The following PAOX variants were observed in gnomAD, a reference collection of about 807,000 sequenced individuals.
PAOX encodes the protein peroxisomal N(1)-acetyl-spermine/spermidine oxidase.
Under a neutral mutation model 39.0 loss-of-function variants are expected in PAOX, and 38 were observed. That is an observed-to-expected ratio of 0.97 (90% CI 0.75 to 1.28). PAOX has a LOEUF of 1.28. PAOX is among the 50% of genes most tolerant of loss of function. PAOX has a pLI of 0.00. For synonymous variants in PAOX, 311 were observed against 314.4 expected, an observed-to-expected ratio of 0.99 and a Z score of 0.11; for missense variants, 667 against 685.7, an observed-to-expected ratio of 0.97 and a Z score of 0.30.
chr10:133,381,423 C>T (rs1302377840), intron 2 of PAOX, 37 bp from the exon 3 acceptor site: 2 of 1,597,132 alleles, frequency 1.3e-6, no homozygotes, highest in South Asian at 1.1e-5. Flanking sequence ...CTTCCAGGGA[C>T]TGGGCCTCTA....
Position 133,380,370 on chromosome 10 carries a change from A to C in PAOX, c.553A>C (p.Asn185His). 8 of 1,612,908 alleles carry C rather than the reference A, an allele frequency of 5.0e-6. No homozygotes were observed. Among genetic ancestry groups the C allele is most frequent in the Non-Finnish European group, 6.8e-6 (8 of 1,180,026 alleles). ...ETRKLKLAVL[N>H]SFFNLECCVS... ...CAGGAAGCTGAAGCTGGCCGTCCTGAACTCCTTCTTCAACCTGGAATGCTG... is the reference window on the plus strand; with the variant it reads ...CAGGAAGCTGAAGCTGGCCGTCCTGCACTCCTTCTTCAACCTGGAATGCTG... The change falls in exon 2 of 7, where the codon AAC becomes CAC. Residue 185 changes from asparagine to histidine, a missense_variant. Transcript: ENST00000278060.
intron 6 of PAOX, among the ~76,000 whole-genome samples, chr10:133,390,114 A>G (rs1297445450): frequency 2.0e-5 from 3 of 152,138 alleles, no homozygotes; most frequent in African/African-American, 4.8e-5. Context: ...CAAAATGTCA[A>G]ACATACTAAA....
chr10:133,389,847 GA>G, intron 6 of PAOX, 100 bp downstream of exon 6: 1 of 1,272,192 alleles, frequency 7.9e-7, no homozygotes, highest in Non-Finnish European at 1.0e-6. Context: ...GGTGGGCTGG[GA>G]TCCCAGACTC....
intron 5 of PAOX, 68 bp downstream of exon 5, chr10:133,389,136 AG>A: frequency 7.6e-7 from 1 of 1,308,048 alleles, no homozygotes; most frequent in Admixed American, 1.7e-5. Flanking sequence ...AACAGAAACT[AG>A]ACTTTGCAGA....
rs112030843 is a variant in PAOX at position 133,389,592 on chromosome 10, A to G, written c.1237A>G (p.Asn413Asp). 1 of 1,613,904 alleles carries G rather than the reference A, an allele frequency of 6.2e-7. No individual in the cohort carries two copies. Among genetic ancestry groups the G allele is most frequent in the Non-Finnish European group, 8.5e-7 (1 of 1,180,012 alleles). The change falls in exon 6 of 7, where the codon AAC becomes GAC. Residue 413 changes from asparagine (N) to aspartate (D), a missense_variant and splice_region_variant. By Grantham distance (23) the Asn-to-Asp change is conservative. Transcript: ENST00000278060. ...CATGCAGTGTCTCTGTGGCTCAGGA[A>G]ACCCACGGCTCCCCGCGCCCAAGAG... Reference protein sequence around the residue: ...LTQVLRRVTGNPRLPAPKSVL... With the variant: ...LTQVLRRVTGDPRLPAPKSVL...
At chr10:133,379,633 T>TCCGCCAGAGTTCA (rs1849295008) in intron 1 of PAOX, 136 bp downstream of exon 1, 1 of 761,154 alleles carries the variant, frequency 1.3e-6, no homozygotes. Context: ...GCTCGCTTAA[T>TCCGCCAGAGTTCA]CCGCCAGAGT....
rs1194631081 is a variant in PAOX, at chr10:133,380,285, G to C, written c.468G>C (p.Gly156=). The part of the protein sequence containing the change: ...HAAETPVPSV[G]EYLKKEIGQH... The stretch of plus-strand genomic sequence containing the variant: ...CAGAGACCCCGGTGCCCAGCGTCGG[G>C]GAGTACCTCAAGAAGGAGATTGGCC... Residue 156 remains glycine, a synonymous_variant, in exon 2 of 7, where the codon GGG becomes GGC. Transcript: ENST00000278060. The C allele has an allele frequency of 6.2e-7, 1 of 1,612,816 alleles. No individual in the cohort carries two copies. The highest frequency in any genetic ancestry group is 8.5e-7 in the Non-Finnish European group (1 of 1,180,044).
Position 133,380,041 on chromosome 10 carries a change from C to T in PAOX, c.224C>T (p.Ser75Phe). Residue 75 changes from serine to phenylalanine, a missense_variant, in exon 2 of 7, where the codon TCC becomes TTC. Coordinates refer to ENST00000278060, the MANE Select transcript of PAOX (RefSeq NM_152911.4). ...EVGAHWIHGP[S>F]RGNPVFQLAA... ...GGCGCGCACTGGATCCATGGGCCCT[C>T]CCGGGGTAACCCCGTCTTCCAGCTG... 1 of 1,522,770 alleles carries T rather than the reference C, an allele frequency of 6.6e-7. No individual in the cohort carries two copies. The highest frequency in any genetic ancestry group is 8.8e-7 in the Non-Finnish European group (1 of 1,139,342). 94.3% of individuals were successfully genotyped at this position (1,522,770 alleles called of 1,614,324 possible).
At chr10:133,380,932 T>C (rs529243772) in intron 2 of PAOX, among the ~76,000 whole-genome samples, 1 of 152,296 alleles carries the variant, frequency 6.6e-6, no homozygotes, top group South Asian at 2.1e-4. Context: ...GAGCCAAGAC[T>C]GCGCCATTGC....
chr10:133,380,506 C>T lies in PAOX; in HGVS notation c.668+21C>T, dbSNP rs373985741. 54 of 1,566,140 alleles carry T rather than the reference C, an allele frequency of 3.4e-5. No homozygotes were observed. The East Asian group carries it at 4.1e-4, about 12-fold the overall frequency. On this transcript the variant is annotated intron_variant, in intron 2 of 6. Transcript: ENST00000278060. ...TCTAAGTGCGTGCCTGAGCCCCTGC[C>T]CCGCCAGTCCTCCCACCAGGCTCCC...
In PAOX at chr10:133,384,131, C is replaced by CG. The variant is rs760613218; in HGVS notation, c.1041dup (p.Pro348AlafsTer8). The CG allele has an allele frequency of 1.2e-5, 20 of 1,614,202 alleles. No homozygotes were observed. Among genetic ancestry groups the CG allele is most frequent in the Non-Finnish European group, 1.7e-5 (20 of 1,180,034 alleles). ...ATCCAGCTGGTGTGGGAGGACACGTCGCCCCTGGAGGATGCTGCCCCTGAG... is the reference window on the plus strand; with the variant it reads ...ATCCAGCTGGTGTGGGAGGACACGTCGGCCCCTGGAGGATGCTGCCCCTGAG... On this transcript the variant is annotated frameshift_variant, in exon 4 of 7. Transcript: ENST00000278060. LOFTEE classifies it high-confidence loss of function. This position sits in a 1 kb window ranked among gnomAD's most constrained non-coding sequence, Gnocchi z 4.3.
chr10:133,386,155 G>C (rs1849527158), intron 4 of PAOX, among the ~76,000 whole-genome samples: 1 of 151,910 alleles, frequency 6.6e-6, no homozygotes, highest in African/African-American at 2.4e-5. Context: ...CTCCCGAGTA[G>C]CTGGGATTAT....
At position 133,391,583 on chromosome 10, in the gene PAOX, G is replaced by C; in HGVS notation, c.*128G>C. The C allele has an allele frequency of 7.4e-7, 1 of 1,342,558 alleles. No homozygotes were observed. 83.2% of individuals were successfully genotyped at this position (1,342,558 alleles called of 1,614,324 possible). A position where few individuals can be genotyped will look rare whatever the true frequency, so the allele number is the denominator to read the frequency against. On this transcript the variant is annotated 3_prime_UTR_variant, in exon 7 of 7. Transcript: ENST00000278060. Reference sequence around the variant, plus strand: ...GGGTCCTCTGGTTTTTGGTAACCAGGGCCACCTTCTCAGTTCTTGTGTCTG... The same window carrying C: ...GGGTCCTCTGGTTTTTGGTAACCAGCGCCACCTTCTCAGTTCTTGTGTCTG...
At chr10:133,383,582 G>A (rs540632156) in intron 3 of PAOX, among the ~76,000 whole-genome samples, 4 of 146,048 alleles carry the variant, frequency 2.7e-5, no homozygotes, top group African/African-American at 5.1e-5. Context: ...CAGCTTGGGC[G>A]ACAGAGTGAG....
chr10:133,390,543 C>CTCCAT (rs1849648377), intron 6 of PAOX, among the ~76,000 whole-genome samples: 1 of 152,172 alleles, frequency 6.6e-6, no homozygotes, highest in Admixed American at 6.6e-5. Context: ...CACCACTGGA[C>CTCCAT]TCCAGCCTGG....
intron 2 of PAOX, among the ~76,000 whole-genome samples, chr10:133,381,118 G>A (rs1159745057): frequency 1.3e-5 from 2 of 152,220 alleles, no homozygotes; most frequent in East Asian, 1.9e-4. Context: ...GACCCTCCTC[G>A]GGCTGTCCCG....
chr10:133,389,809 G>T, intron 6 of PAOX, 62 bp downstream of exon 6: 5 of 1,393,320 alleles, frequency 3.6e-6, no homozygotes, highest in Non-Finnish European at 4.6e-6. Flanking sequence ...GCCGAGTCTG[G>T]GCGCTGCAGG....
chr10:133,389,995 G>A (rs551931083), intron 6 of PAOX, among the ~76,000 whole-genome samples: 277 of 152,336 alleles, frequency 1.8e-3, no homozygotes, highest in African/African-American at 6.3e-3. Context: ...GGCAGGTGGA[G>A]CCCCTTTTGC....
chr10:133,387,874 C>T (rs1014878647), intron 4 of PAOX, among the ~76,000 whole-genome samples: 18 of 152,196 alleles, frequency 1.2e-4, no homozygotes, highest in Non-Finnish European at 7.3e-5. Flanking sequence ...GTGCCCGCCA[C>T]CACGCCTGGC....
Sources: gnomAD v4.1 joint callset for allele counts (sites outside exome capture counted in the v4.1 genomes callset) on GRCh38, gnomAD v4.1.1 for gene constraint, Gnocchi (gnomAD v3.1) non-coding constraint, MANE v1.5 for transcripts, NCBI Gene and HGNC (gene_info 2026-07-23, HGNC 2026-07-21) for gene names.